The following LSAMP variants were observed in gnomAD, a reference collection of about 807,000 sequenced individuals.
LSAMP encodes the protein limbic system-associated membrane protein.
A neutral mutation model predicts 38.6 loss-of-function variants in LSAMP; 7 were observed. The observed-to-expected ratio is 0.18, with a 90% CI of 0.10 to 0.34. The LOEUF is 0.34. Among genes scored for constraint, LSAMP ranks in the 10% least tolerant of loss-of-function variants. The probability of loss-of-function intolerance (pLI) is 1.00; values close to 1 mark genes in which losing one functional copy is unlikely to be tolerated. For missense variants in LSAMP, 313 were observed against 420.0 expected (o/e 0.75, Z 2.23); for synonymous variants, 154 against 166.8 (o/e 0.92, Z 0.59).
intron 3 of LSAMP, among the ~76,000 whole-genome samples, chr3:116,016,288 T>C (rs1940481297): frequency 6.6e-6 from 1 of 152,114 alleles, no homozygotes. Context: ...TTATGATCAG[T>C]TGGTTATTTA....
chr3:116,057,448 A>T (rs1411433378), intron 2 of LSAMP, among the ~76,000 whole-genome samples: 1 of 152,158 alleles, frequency 6.6e-6, no homozygotes, highest in African/African-American at 2.4e-5. Flanking sequence ...TTGATATGGC[A>T]TTGGTCATCA....
chr3:116,245,119 G>T (rs1250292493), intron 1 of LSAMP, among the ~76,000 whole-genome samples: 1 of 152,160 alleles, frequency 6.6e-6, no homozygotes, highest in Non-Finnish European at 1.5e-5. Context: ...GATCATTAGG[G>T]TGGGCCCTAA....
In LSAMP at chr3:116,237,102, T is replaced by C. The variant is rs1038490943; in HGVS notation, c.156-150546A>G. On this transcript the variant is annotated intron_variant, in intron 1 of 6. Coordinates refer to ENST00000490035, the MANE Select transcript of LSAMP (RefSeq NM_002338.5). ...GATCATGACATCAAAAATATGCCTA[T>C]ATGATTATAATTCAGTTGGAATATA... Among the ~76,000 whole-genome samples, 24 of 152,110 alleles carry C rather than the reference T, an allele frequency of 1.6e-4. 1 individual carries two copies. The highest frequency in any genetic ancestry group is 5.2e-4 in the Admixed American group (8 of 15,268).
intron 1 of LSAMP, among the ~76,000 whole-genome samples, chr3:116,391,460 G>T (rs966047384): frequency 6.6e-6 from 1 of 152,194 alleles, no homozygotes; most frequent in African/African-American, 2.4e-5. Context: ...GGAAGGAGGC[G>T]GACAGTCTTT....
At chr3:116,443,316 T>G (rs1049003222) in intron 1 of LSAMP, among the ~76,000 whole-genome samples, 2 of 152,224 alleles carry the variant, frequency 1.3e-5, no homozygotes, top group Admixed American at 1.3e-4. Flanking sequence ...ACATGCAGGT[T>G]TATAAGGCTG....
intron 1 of LSAMP, among the ~76,000 whole-genome samples, chr3:116,396,065 C>T (rs1490586378): frequency 2.0e-5 from 3 of 152,106 alleles, no homozygotes; most frequent in Non-Finnish European, 4.4e-5. Flanking sequence ...ATTAATTAGG[C>T]TCCCAGGCTC....
At chr3:115,948,155 A>T (rs1454976372) in intron 3 of LSAMP, among the ~76,000 whole-genome samples, 1 of 152,196 alleles carries the variant, frequency 6.6e-6, no homozygotes, top group Non-Finnish European at 1.5e-5. Context: ...AAATGATGTG[A>T]ATTTCCAGAT....
chr3:116,353,457 T>C (rs1481583191), intron 1 of LSAMP, among the ~76,000 whole-genome samples: 1 of 152,078 alleles, frequency 6.6e-6, no homozygotes, highest in Admixed American at 6.6e-5. Context: ...AAAAGTTATG[T>C]TTTTTAAAAG....
chr3:115,846,119 T>C (rs1202453002), intron 4 of LSAMP, among the ~76,000 whole-genome samples: 18 of 152,238 alleles, frequency 1.2e-4, no homozygotes, highest in Non-Finnish European at 8.8e-5. Flanking sequence ...TTACAAATCA[T>C]ACTGCAGCAT....
At chr3:115,924,965 C>A (rs1937465381) in intron 3 of LSAMP, among the ~76,000 whole-genome samples, 1 of 152,120 alleles carries the variant, frequency 6.6e-6, no homozygotes, top group South Asian at 2.1e-4. Flanking sequence ...TGGGACATTC[C>A]CTCCCACAGC....
At chr3:116,381,581 C>T (rs910363430) in intron 1 of LSAMP, among the ~76,000 whole-genome samples, 1 of 152,112 alleles carries the variant, frequency 6.6e-6, no homozygotes, top group African/African-American at 2.4e-5. Flanking sequence ...TTTAGAATTA[C>T]TTTTCAGAAA....
At chr3:116,309,006 C>T (rs778743205) in intron 1 of LSAMP, among the ~76,000 whole-genome samples, 1 of 152,010 alleles carries the variant, frequency 6.6e-6, no homozygotes, top group East Asian at 1.9e-4. Flanking sequence ...TTTCCCTTTG[C>T]CTCATTCTAC....
chr3:115,895,635 T>G (rs1413669697), intron 3 of LSAMP, among the ~76,000 whole-genome samples: 1 of 152,038 alleles, frequency 6.6e-6, no homozygotes, highest in Non-Finnish European at 1.5e-5. Context: ...AGTAGTATGA[T>G]GAGGAGGGAT....
At chr3:115,858,154 TCTCTCTCTCTCA>T (rs969892890) in intron 3 of LSAMP, among the ~76,000 whole-genome samples, 5 of 147,766 alleles carry the variant, frequency 3.4e-5, no homozygotes, top group African/African-American at 7.6e-5. Context: ...TCTCTCTCTC[TCTCTCTCTCTCA>T]CACACACACA....
At position 116,434,919 on chromosome 3, in the gene LSAMP, C is replaced by A. The variant is rs1402071083; in HGVS notation, c.155+9958G>T. Among the ~76,000 whole-genome samples the A allele has an allele frequency of 2.6e-5, 4 of 152,266 alleles. No homozygotes were observed. The East Asian group carries it at 7.7e-4, about 29-fold the overall frequency. On this transcript the variant is annotated intron_variant, in intron 1 of 6. Coordinates refer to ENST00000490035, the MANE Select transcript of LSAMP (RefSeq NM_002338.5). ...ACATTTTTAGATGAATACTGGAAAA[C>A]AACAGGCCTTGCATAGGTCATCTCA...
chr3:115,918,184 G>A (rs927656599), intron 3 of LSAMP, among the ~76,000 whole-genome samples: 1 of 152,012 alleles, frequency 6.6e-6, no homozygotes, highest in Non-Finnish European at 1.5e-5. Flanking sequence ...TAAGACCCTG[G>A]GTCTATTAGT....
chr3:116,248,192 T>C (rs945982062), intron 1 of LSAMP, among the ~76,000 whole-genome samples: 1 of 152,078 alleles, frequency 6.6e-6, no homozygotes, highest in Non-Finnish European at 1.5e-5. Context: ...ACTAATTCAT[T>C]TGGGAGCAGG....
chr3:116,292,970 A>T lies in LSAMP; in HGVS notation c.155+151907T>A, dbSNP rs141304926. ...TGAAACCTGCTATGTCAGCCTTAAC[A>T]AAAGGAAGCAGAAACTATTTCTTTC... On this transcript the variant is annotated intron_variant, in intron 1 of 6. Transcript: ENST00000490035. Among the ~76,000 whole-genome samples the T allele has an allele frequency of 1.3e-4, 20 of 152,338 alleles. No homozygotes were observed. The East Asian group carries it at 3.9e-3, about 29-fold the overall frequency.
chr3:116,079,490 TA>T (rs1707825596), intron 2 of LSAMP, among the ~76,000 whole-genome samples: 1 of 152,002 alleles, frequency 6.6e-6, no homozygotes, highest in Non-Finnish European at 1.5e-5. Flanking sequence ...CTGTCTCTAC[TA>T]AAAATACGAA....
Sources: allele counts gnomAD v4.1 joint callset (sites outside exome capture counted in the v4.1 genomes callset), GRCh38; gene constraint gnomAD v4.1.1; transcripts MANE v1.5; gene names NCBI Gene and HGNC (gene_info 2026-07-23, HGNC 2026-07-21).